Variants in COL19A1 observed in about 807,000 individuals in gnomAD.
COL19A1 encodes the protein collagen type XIX alpha 1 chain, also known as collagen alpha-1(XIX) chain.
A neutral mutation model predicts 190.2 loss-of-function variants in COL19A1; 159 were observed. That is an observed-to-expected ratio of 0.84 (90% confidence interval 0.73 to 0.95). COL19A1 has a LOEUF of 0.95. Ranked by LOEUF, COL19A1 falls within the 40% of genes least tolerant of loss-of-function variation. The pLI, the probability that COL19A1 is intolerant of heterozygous loss-of-function variation, is 0.00. For synonymous variants in COL19A1, 509 were observed against 458.9 expected, an observed-to-expected ratio of 1.11 and a Z score of -1.39; for missense variants, 1,418 against 1,431.9, an observed-to-expected ratio of 0.99 and a Z score of 0.16.
At chr6:69,936,715 G>A (rs773715769) in intron 7 of COL19A1, 70 bp from the exon 8 acceptor site, 132 of 1,575,482 alleles carry the variant, frequency 8.4e-5, no homozygotes, top group Non-Finnish European at 1.1e-4. Flanking sequence ...AGTTTAGTGG[G>A]AGCCAGTGTT....
intron 11 of COL19A1, among the ~76,000 whole-genome samples, chr6:69,982,127 A>T (rs372093776): frequency 7.9e-5 from 12 of 152,282 alleles, no homozygotes; most frequent in African/African-American, 2.9e-4. Context: ...GAAAGAAAAA[A>T]AGAGGGGGAG....
chr6:70,118,310 GC>G (rs949633423), intron 16 of COL19A1, among the ~76,000 whole-genome samples: 24 of 152,172 alleles, frequency 1.6e-4, no homozygotes, highest in African/African-American at 5.8e-4. Flanking sequence ...AGTTGCTTTT[GC>G]AATTTAAATG....
chr6:69,944,635 GCAAAAAGC>G (rs1489612753), intron 9 of COL19A1, among the ~76,000 whole-genome samples: 1 of 151,894 alleles, frequency 6.6e-6, no homozygotes, highest in East Asian at 1.9e-4. Context: ...AAAATATTTT[GCAAAAAGC>G]CAGAAGTTTT....
At chr6:70,176,282 C>T (rs1219232009) in intron 41 of COL19A1, among the ~76,000 whole-genome samples, 1 of 152,128 alleles carries the variant, frequency 6.6e-6, no homozygotes, top group Non-Finnish European at 1.5e-5. Flanking sequence ...TTCATTAAAA[C>T]TATTATTTAC....
intron 42 of COL19A1, among the ~76,000 whole-genome samples, chr6:70,179,053 C>T (rs1193783734): frequency 6.6e-6 from 1 of 152,098 alleles, no homozygotes; most frequent in Non-Finnish European, 1.5e-5. Flanking sequence ...CACAATAAGA[C>T]CCTTCAGGTC....
intron 15 of COL19A1, among the ~76,000 whole-genome samples, chr6:70,077,319 A>T (rs989353367): frequency 3.3e-5 from 5 of 152,192 alleles, no homozygotes; most frequent in African/African-American, 9.6e-5. Context: ...TTTATCTTTT[A>T]TATGATGTAC....
At chr6:70,033,842 T>C (rs1453855650) in intron 12 of COL19A1, among the ~76,000 whole-genome samples, 1 of 152,188 alleles carries the variant, frequency 6.6e-6, no homozygotes, top group Non-Finnish European at 1.5e-5. Flanking sequence ...AAAAATGTTT[T>C]TGATTTTACT....
intron 16 of COL19A1, among the ~76,000 whole-genome samples, chr6:70,120,015 T>A (rs1784794922): frequency 6.6e-6 from 1 of 152,136 alleles, no homozygotes; most frequent in South Asian, 2.1e-4. Flanking sequence ...CCCTTGAACC[T>A]GGGAGGCAGA....
At chr6:69,967,874 TA>T (rs537798311) in intron 11 of COL19A1, among the ~76,000 whole-genome samples, 1 of 152,188 alleles carries the variant, frequency 6.6e-6, no homozygotes, top group South Asian at 2.1e-4. Flanking sequence ...CCGTACAAAA[TA>T]TAATATTCAA....
chr6:70,156,522 G>A, intron 33 of COL19A1, 148 bp from the exon 34 acceptor site: 3 of 1,037,864 alleles, frequency 2.9e-6, no homozygotes. Flanking sequence ...AGAAAGTGAT[G>A]TAAAAGTCAC....
chr6:69,887,306 G>A lies in COL19A1; in HGVS notation c.91+7648G>A, dbSNP rs78184809. On this transcript the variant is annotated intron_variant, in intron 2 of 50. Coordinates refer to ENST00000620364, the MANE Select transcript of COL19A1 (RefSeq NM_001858.6). ...ATTTATTATGGTTACATAGTCACTC[G>A]TAGTCATTATAAAAATATAATAAGA... Among the ~76,000 whole-genome samples the A allele has an allele frequency of 4.8e-4, 73 of 152,220 alleles. No individual in the cohort carries two copies. The East Asian group carries it at 0.011, about 23-fold the overall frequency.
chr6:69,908,682 A>T (rs1770711490), intron 4 of COL19A1, among the ~76,000 whole-genome samples: 1 of 152,128 alleles, frequency 6.6e-6, no homozygotes, highest in Admixed American at 6.5e-5. Context: ...TTATTTACTG[A>T]TTTTGGAAAC....
rs147745371 is a variant in COL19A1 at position 70,080,234 on chromosome 6, A to G, written c.1224+11758A>G. Among the ~76,000 whole-genome samples, 171 of 152,360 alleles carry G rather than the reference A, an allele frequency of 1.1e-3. 1 individual carries two copies. Among genetic ancestry groups the G allele is most frequent in the East Asian group, 7.7e-4 (4 of 5,184 alleles). ...TAATCACAAGATTGTTTTCAGGCCA[A>G]TAGATACACCTACTACTTTCTTCCC... On this transcript the variant is annotated intron_variant, in intron 15 of 50. Transcript: ENST00000620364.
intron 11 of COL19A1, among the ~76,000 whole-genome samples, chr6:69,986,221 T>TTATATATATA (rs57648174): frequency 7.2e-5 from 10 of 138,286 alleles, no homozygotes; most frequent in African/African-American, 1.9e-4. Context: ...CTTACACGTT[T>TTATATATATA]TATATATATA....
chr6:69,937,961 C>G, intron 8 of COL19A1, 77 bp from the exon 9 acceptor site: 1 of 1,407,206 alleles, frequency 7.1e-7, no homozygotes, highest in Non-Finnish European at 1.0e-6. Context: ...CTAGTGCCAG[C>G]TTCACATTTA....
chr6:70,125,872 A>G (rs898857019), intron 17 of COL19A1, among the ~76,000 whole-genome samples: 5 of 152,216 alleles, frequency 3.3e-5, no homozygotes, highest in African/African-American at 1.2e-4. Context: ...CATTGTTTCC[A>G]GCTCTGGGGG....
chr6:70,141,090 A>G (rs1207873395), intron 20 of COL19A1, 101 bp downstream of exon 20: 1 of 1,032,502 alleles, frequency 9.7e-7, no homozygotes, highest in African/African-American at 1.6e-5. Context: ...AGATTTGATT[A>G]AATAAGGTCC....
At chr6:70,017,839 G>T (rs1018269218) in intron 11 of COL19A1, among the ~76,000 whole-genome samples, 2 of 152,108 alleles carry the variant, frequency 1.3e-5, no homozygotes, top group Admixed American at 6.6e-5. Flanking sequence ...TCTGATGGTG[G>T]TCACCCAAGA....
At chr6:69,889,137 G>A (rs1483843090) in intron 2 of COL19A1, among the ~76,000 whole-genome samples, 2 of 152,152 alleles carry the variant, frequency 1.3e-5, no homozygotes, top group East Asian at 3.8e-4. Flanking sequence ...CTCTAACCTT[G>A]AGGAAAGAAC....
Sources: allele counts gnomAD v4.1 joint callset (sites outside exome capture counted in the v4.1 genomes callset), GRCh38; gene constraint gnomAD v4.1.1; transcripts MANE v1.5; gene names NCBI Gene and HGNC (gene_info 2026-07-23, HGNC 2026-07-21).